Variants in PITPNA observed in about 807,000 individuals in gnomAD.
The protein encoded by PITPNA is phosphatidylinositol transfer protein alpha isoform.
Under a neutral mutation model 50.3 loss-of-function variants are expected in PITPNA, and 13 were observed. That is an observed-to-expected ratio of 0.26 (90% confidence interval 0.17 to 0.41). The LOEUF is 0.41. Among genes scored for constraint, PITPNA ranks in the 10% least tolerant of loss-of-function variants. The pLI, the probability that PITPNA is intolerant of heterozygous loss-of-function variation, is 1.00. For missense variants in PITPNA, 207 were observed against 333.4 expected (o/e 0.62, Z 2.95); for synonymous variants, 120 against 119.6 (o/e 1.00, Z -0.02).
chr17:1,521,074 A>T (rs2075508562), intron 11 of PITPNA, among the ~76,000 whole-genome samples: 2 of 152,142 alleles, frequency 1.3e-5, no homozygotes. Flanking sequence ...CCCTCCCAGC[A>T]TCTGAAAGAT....
At chr17:1,525,755 T>C (rs1198916386) in intron 10 of PITPNA, among the ~76,000 whole-genome samples, 2 of 152,148 alleles carry the variant, frequency 1.3e-5, no homozygotes, top group African/African-American at 4.8e-5. Context: ...CAACCTCAGG[T>C]GATCCGCCTG....
Position 1,519,200 on chromosome 17 carries a change from A to G in PITPNA, c.*1361T>C, listed in dbSNP as rs2150999798. On this transcript the variant is annotated 3_prime_UTR_variant, in exon 12 of 12. Coordinates refer to ENST00000313486, the MANE Select transcript of PITPNA (RefSeq NM_006224.4). Reference sequence around the variant, plus strand: ...TTCCCGGACAAAGATTTGGTCTCCCATTAGCAGATGCACCCAGGCTAGTGT... The same window carrying G: ...TTCCCGGACAAAGATTTGGTCTCCCGTTAGCAGATGCACCCAGGCTAGTGT... 1 of 152,644 alleles carries G rather than the reference A, an allele frequency of 6.6e-6. No individual in the cohort carries two copies. The highest frequency in any genetic ancestry group is 2.4e-5 in the African/African-American group (1 of 41,592). 9.5% of individuals were successfully genotyped at this position (152,644 alleles called of 1,614,324 possible). A position where few individuals can be genotyped will look rare whatever the true frequency, so the allele number is the denominator to read the frequency against.
chr17:1,523,666 CCTGG>C (rs200073068), intron 10 of PITPNA, among the ~76,000 whole-genome samples: 6,719 of 152,092 alleles, frequency 0.044, 508 homozygotes, highest in African/African-American at 0.15. Flanking sequence ...CGCCACCATG[CCTGG>C]CTAATTTTTT....
intron 10 of PITPNA, 60 bp downstream of exon 10, chr17:1,534,039 A>C: frequency 6.2e-7 from 1 of 1,603,038 alleles, no homozygotes; most frequent in Non-Finnish European, 8.5e-7. Flanking sequence ...GCCCCAGCAA[A>C]ACAGTCTCCT....
In PITPNA at chr17:1,541,577, T is replaced by G. The variant is rs2075648055; in HGVS notation, c.361A>C (p.Thr121Pro). 1 of 1,612,806 alleles carries G rather than the reference T, an allele frequency of 6.2e-7. No individual in the cohort carries two copies. The highest frequency in any genetic ancestry group is 8.5e-7 in the Non-Finnish European group (1 of 1,178,858). ...GAACTACTACTCACATTCTCCTGCG[T>G]GCCAAGATCTGGTTTGTGCCAGGTT... is the stretch of plus-strand genomic sequence containing the variant. ...IETWHKPDLGTQENVHKLEPE... is the reference protein window; with the variant it reads ...IETWHKPDLGPQENVHKLEPE... Residue 121 changes from threonine (T) to proline (P), a missense_variant, in exon 6 of 12, where the codon ACG becomes CCG. Physicochemically the swap from Thr to Pro is conservative, Grantham distance 38. Transcript: ENST00000313486.
At chr17:1,529,912 T>C (rs1037855876) in intron 10 of PITPNA, among the ~76,000 whole-genome samples, 1 of 152,162 alleles carries the variant, frequency 6.6e-6, no homozygotes, top group African/African-American at 2.4e-5. Flanking sequence ...TGAATTCTCT[T>C]TTCTGAATCT....
intron 3 of PITPNA, among the ~76,000 whole-genome samples, chr17:1,550,308 G>A (rs1314255615): frequency 2.0e-5 from 3 of 152,232 alleles, no homozygotes; most frequent in Non-Finnish European, 4.4e-5. Flanking sequence ...CTGGGTGGCG[G>A]AGTGCTGTGA....
Position 1,534,136 on chromosome 17 carries a change from C to T in PITPNA, c.731G>A (p.Arg244Gln). Reference sequence around the variant, plus strand: ...TCTCTTCGTCTCTTCTTCCATCCTTCGAATGTCGTCCATGGTCAGGTCAAC... The same window carrying T: ...TCTCTTCGTCTCTTCTTCCATCCTTTGAATGTCGTCCATGGTCAGGTCAAC... ...KWVDLTMDDI[R>Q]RMEEETKRQL... Residue 244 changes from arginine to glutamine, a missense_variant, in exon 10 of 12, where the codon CGA (arginine) becomes CAA (glutamine). Physicochemically the swap from Arg to Gln is conservative, Grantham distance 43. Transcript: ENST00000313486. 2 of 1,613,808 alleles carry T rather than the reference C, an allele frequency of 1.2e-6. No individual in the cohort carries two copies. The highest frequency in any genetic ancestry group is 1.3e-5 in the African/African-American group (1 of 74,978).
chr17:1,545,290 G>C (rs1236940590), intron 4 of PITPNA, among the ~76,000 whole-genome samples: 1 of 152,208 alleles, frequency 6.6e-6, no homozygotes, highest in Non-Finnish European at 1.5e-5. Context: ...CCTTCCAAAA[G>C]CCATGAGGCA....
chr17:1,553,072 C>T lies in PITPNA; in HGVS notation c.129G>A (p.Leu43=), dbSNP rs768018057. ...ETGGGEGVEV[L]VNEPYEKDGE... ...CGTCCTTCTCGTAGGGCTCATTCAC[C>T]AGGACCTCCACGCCTTCGCCACCAC... Residue 43 remains leucine (L), a synonymous_variant, in exon 3 of 12, where the codon CTG becomes CTA. Coordinates refer to ENST00000313486, the MANE Select transcript of PITPNA (RefSeq NM_006224.4). 1 of 1,613,970 alleles carries T rather than the reference C, an allele frequency of 6.2e-7. No homozygotes were observed. Among genetic ancestry groups the T allele is most frequent in the Admixed American group, 1.7e-5 (1 of 60,010 alleles).
chr17:1,524,808 C>T (rs537368021), intron 10 of PITPNA, among the ~76,000 whole-genome samples: 13 of 151,294 alleles, frequency 8.6e-5, no homozygotes, highest in African/African-American at 2.4e-4. Flanking sequence ...GAGATGGCAC[C>T]GCTGCACTCC....
intron 5 of PITPNA, among the ~76,000 whole-genome samples, chr17:1,542,381 C>T (rs1415610447): frequency 6.6e-6 from 1 of 152,214 alleles, no homozygotes; most frequent in Non-Finnish European, 1.5e-5. Flanking sequence ...TAGCCTGTGG[C>T]TAAGGCCTTA....
chr17:1,546,684 TC>T (rs1396956466), intron 4 of PITPNA, among the ~76,000 whole-genome samples: 3 of 152,034 alleles, frequency 2.0e-5, no homozygotes, highest in Non-Finnish European at 2.9e-5. Context: ...CTCTCAGGAC[TC>T]CCCAGGGTTA....
intron 4 of PITPNA, among the ~76,000 whole-genome samples, chr17:1,543,549 A>G (rs1486354144): frequency 6.6e-6 from 1 of 152,124 alleles, no homozygotes; most frequent in African/African-American, 2.4e-5. Context: ...TTTATCAGAG[A>G]AAATGACTGC....
chr17:1,524,582 T>C (rs543754122), intron 10 of PITPNA, among the ~76,000 whole-genome samples: 1 of 152,120 alleles, frequency 6.6e-6, no homozygotes, highest in African/African-American at 2.4e-5. Context: ...TCTATAATAA[T>C]AAAATAGAGA....
chr17:1,525,235 G>T (rs565355506), intron 10 of PITPNA, among the ~76,000 whole-genome samples: 4 of 152,008 alleles, frequency 2.6e-5, no homozygotes, highest in African/African-American at 9.6e-5. Context: ...TGATCCGCCC[G>T]CCTCAGCCTC....
intron 10 of PITPNA, among the ~76,000 whole-genome samples, chr17:1,533,701 G>A (rs150180461): frequency 4.0e-4 from 61 of 152,250 alleles, no homozygotes; most frequent in African/African-American, 1.4e-3. Context: ...TCCTGCGTGC[G>A]CTGTGGCTGT....
intron 7 of PITPNA, among the ~76,000 whole-genome samples, chr17:1,537,100 T>C (rs1372266116): frequency 6.6e-6 from 1 of 150,586 alleles, no homozygotes; most frequent in African/African-American, 2.5e-5. Context: ...AGTTTCACTC[T>C]TTTTGCCCAG....
At chr17:1,556,853 A>G (rs1425262983) in intron 2 of PITPNA, among the ~76,000 whole-genome samples, 1 of 152,190 alleles carries the variant, frequency 6.6e-6, no homozygotes, top group East Asian at 1.9e-4. Context: ...CTGTAATCCC[A>G]GCACTCTGGG....
Sources: gnomAD v4.1 joint callset for allele counts (sites outside exome capture counted in the v4.1 genomes callset) on GRCh38, gnomAD v4.1.1 for gene constraint, MANE v1.5 for transcripts, NCBI Gene and HGNC (gene_info 2026-07-23, HGNC 2026-07-21) for gene names.